CSMD1: variants seen among roughly 807,000 people sequenced by gnomAD.
CSMD1 encodes the protein CUB and sushi domain-containing protein 1.
A neutral mutation model predicts 417.5 loss-of-function variants in CSMD1; 213 were observed. The ratio of observed to expected loss-of-function variants is 0.51; its 90% confidence interval spans 0.46 to 0.57. The LOEUF (loss-of-function observed/expected upper bound fraction) is 0.57, where lower values mean the gene tolerates loss of function less well. Ranked by LOEUF, CSMD1 falls within the 20% of genes least tolerant of loss-of-function variation. The pLI, the probability that CSMD1 is intolerant of heterozygous loss-of-function variation, is 0.00. For missense variants in CSMD1, 6,923 were observed against 4,529.7 expected (o/e 1.53, Z -15.17); for synonymous variants, 2,862 against 1,736.8 (o/e 1.65, Z -16.11).
chr8:3,326,753 T>C (rs553271650), intron 23 of CSMD1, among the ~76,000 whole-genome samples: 1 of 152,352 alleles, frequency 6.6e-6, no homozygotes, highest in African/African-American at 2.4e-5. Flanking sequence ...GCCTCATCTA[T>C]TGTGATATTT....
At chr8:4,503,818 G>A (rs750387960) in intron 2 of CSMD1, among the ~76,000 whole-genome samples, 19 of 152,084 alleles carry the variant, frequency 1.2e-4, no homozygotes, top group Non-Finnish European at 2.6e-4. Flanking sequence ...TCACCTATGT[G>A]CGGCTTTTAA....
At chr8:3,434,333 T>C (rs774869744) in intron 12 of CSMD1, among the ~76,000 whole-genome samples, 5 of 152,198 alleles carry the variant, frequency 3.3e-5, no homozygotes, top group Non-Finnish European at 7.3e-5. Context: ...TGTTCCTATA[T>C]GTAATACCAA....
At chr8:4,201,394 C>A (rs978233146) in intron 3 of CSMD1, among the ~76,000 whole-genome samples, 8 of 151,556 alleles carry the variant, frequency 5.3e-5, no homozygotes, top group African/African-American at 1.9e-4. Context: ...AAAAATTAGC[C>A]GGGGGTGGCG....
intron 1 of CSMD1, among the ~76,000 whole-genome samples, chr8:4,943,084 A>G (rs1210287130): frequency 6.6e-6 from 1 of 152,190 alleles, no homozygotes; most frequent in Non-Finnish European, 1.5e-5. Context: ...TAACAGATGA[A>G]GACAATGACT....
At chr8:4,367,446 G>A (rs1411946072) in intron 3 of CSMD1, among the ~76,000 whole-genome samples, 3 of 152,186 alleles carry the variant, frequency 2.0e-5, no homozygotes, top group Non-Finnish European at 4.4e-5. Context: ...GTACCATGAT[G>A]TTTTGATTAA....
intron 2 of CSMD1, among the ~76,000 whole-genome samples, chr8:4,635,127 G>A (rs969596056): frequency 2.6e-5 from 4 of 152,120 alleles, no homozygotes; most frequent in African/African-American, 4.8e-5. Flanking sequence ...GTAACTGAGT[G>A]ATTCATATGA....
At chr8:4,184,542 C>G (rs991846310) in intron 3 of CSMD1, among the ~76,000 whole-genome samples, 6 of 151,936 alleles carry the variant, frequency 3.9e-5, no homozygotes, top group African/African-American at 1.5e-4. Context: ...TAAAAAAGGA[C>G]AAGATTATGT....
intron 1 of CSMD1, among the ~76,000 whole-genome samples, chr8:4,943,919 C>T (rs1375117149): frequency 6.6e-6 from 1 of 152,028 alleles, no homozygotes; most frequent in Non-Finnish European, 1.5e-5. Context: ...GATGGAGGGC[C>T]GAGCTGGATA....
At chr8:4,372,976 T>G (rs1432209638) in intron 3 of CSMD1, among the ~76,000 whole-genome samples, 1 of 152,148 alleles carries the variant, frequency 6.6e-6, no homozygotes, top group Non-Finnish European at 1.5e-5. Context: ...GAGGAAAATA[T>G]AAAGTGACTT....
intron 26 of CSMD1, among the ~76,000 whole-genome samples, chr8:3,275,391 C>G (rs1248750910): frequency 6.6e-6 from 1 of 152,138 alleles, no homozygotes; most frequent in African/African-American, 2.4e-5. Context: ...TTTGGTGAAT[C>G]TGACAATTAT....
intron 5 of CSMD1, among the ~76,000 whole-genome samples, chr8:3,916,213 G>A (rs972970943): frequency 3.9e-5 from 6 of 152,098 alleles, no homozygotes; most frequent in South Asian, 4.1e-4. Flanking sequence ...ACTTCCAGAT[G>A]TTGCCAACCG....
At chr8:3,860,394 C>G (rs1486324785) in intron 5 of CSMD1, among the ~76,000 whole-genome samples, 2 of 152,108 alleles carry the variant, frequency 1.3e-5, no homozygotes, top group African/African-American at 4.8e-5. Context: ...AATCATCAGT[C>G]AAAATGGACT....
At chr8:4,792,983 AATATATATATAT>A (rs34947549) in intron 1 of CSMD1, among the ~76,000 whole-genome samples, 1 of 148,584 alleles carries the variant, frequency 6.7e-6, no homozygotes, top group Non-Finnish European at 1.5e-5. Flanking sequence ...ATGTGTATGC[AATATATATATAT>A]ATATATATAT....
At chr8:4,839,211 G>A (rs974177549) in intron 1 of CSMD1, among the ~76,000 whole-genome samples, 2 of 152,144 alleles carry the variant, frequency 1.3e-5, no homozygotes, top group Non-Finnish European at 2.9e-5. Flanking sequence ...GAGTCACTCT[G>A]AATATGCAAA....
chr8:3,576,515 C>T (rs1416767384), intron 9 of CSMD1, among the ~76,000 whole-genome samples: 2 of 152,148 alleles, frequency 1.3e-5, no homozygotes, highest in Non-Finnish European at 2.9e-5. Context: ...TCAGTTGCTT[C>T]CTACTTACTA....
intron 21 of CSMD1, among the ~76,000 whole-genome samples, chr8:3,357,399 G>C (rs1374885950): frequency 6.6e-6 from 1 of 152,184 alleles, no homozygotes; most frequent in African/African-American, 2.4e-5. Flanking sequence ...TTACTTCGTA[G>C]AATTGTCATG....
chr8:3,252,103 A>G (rs1488153916), intron 26 of CSMD1, among the ~76,000 whole-genome samples: 1 of 152,184 alleles, frequency 6.6e-6, no homozygotes, highest in Non-Finnish European at 1.5e-5. Context: ...ACTATGTTGA[A>G]TAGTAGTGGT....
At chr8:4,520,702 G>T (rs1803399038) in intron 2 of CSMD1, among the ~76,000 whole-genome samples, 1 of 152,166 alleles carries the variant, frequency 6.6e-6, no homozygotes, top group African/African-American at 2.4e-5. Flanking sequence ...GTATGTGAAA[G>T]TCAGAATCCT....
chr8:3,772,896 G>T (rs1047341758), intron 5 of CSMD1, among the ~76,000 whole-genome samples: 2 of 152,000 alleles, frequency 1.3e-5, no homozygotes, highest in African/African-American at 4.8e-5. Context: ...AAATATCACA[G>T]ATGAGGGCTG....
Sources: allele counts gnomAD v4.1 joint callset (sites outside exome capture counted in the v4.1 genomes callset), GRCh38; gene constraint gnomAD v4.1.1; transcripts MANE v1.5; gene names NCBI Gene and HGNC (gene_info 2026-07-23, HGNC 2026-07-21).